PRDM2: variants seen among roughly 807,000 people sequenced by gnomAD.
The protein encoded by PRDM2 is PR/SET domain 2.
A neutral mutation model predicts 130.0 loss-of-function variants in PRDM2; 30 were observed. The ratio of observed to expected loss-of-function variants is 0.23; its 90% CI spans 0.17 to 0.31. PRDM2 has a LOEUF of 0.31. Ranked by LOEUF, PRDM2 falls within the 10% of genes least tolerant of loss-of-function variation. The pLI is 1.00. For missense variants in PRDM2, 2,011 were observed against 2,108.4 expected (o/e 0.95, Z 0.90); for synonymous variants, 871 against 782.4 (o/e 1.11, Z -1.89).
At position 13,779,244 on chromosome 1, in the gene PRDM2, T is replaced by C. The variant is rs1557646959; in HGVS notation, c.1449T>C (p.His483=). 1 of 1,614,020 alleles carries C rather than the reference T, an allele frequency of 6.2e-7. No individual in the cohort carries two copies. The highest frequency in any genetic ancestry group is 1.7e-5 in the Admixed American group (1 of 60,002). Residue 483 remains histidine (H), a synonymous_variant, in exon 8 of 10, where the codon CAT becomes CAC. Transcript: ENST00000311066. The surrounding 1 kb of genome is among the most constrained non-coding windows in gnomAD (Gnocchi z 4.9). ...VEENGEVKEL[H]PCKYCKKVFG... ...AGAATGGGGAAGTTAAAGAACTTCA[T>C]CCGTGCAAATATTGTAAAAAGGTTT...
chr1:13,702,026 A>T (rs975212745), intron 1 of PRDM2, among the ~76,000 whole-genome samples: 1 of 152,230 alleles, frequency 6.6e-6, no homozygotes, highest in Admixed American at 6.5e-5. Context: ...CACTGTAGAA[A>T]ATTGGAAAGT....
intron 5 of PRDM2, among the ~76,000 whole-genome samples, chr1:13,745,929 G>C (rs1308153407): frequency 6.6e-6 from 1 of 152,020 alleles, no homozygotes; most frequent in African/African-American, 2.4e-5. Flanking sequence ...ATCGTAGGTG[G>C]GTATGAGTGG....
chr1:13,751,519 T>C (rs1196038281), intron 6 of PRDM2, among the ~76,000 whole-genome samples: 1 of 151,708 alleles, frequency 6.6e-6, no homozygotes, highest in Non-Finnish European at 1.5e-5. Flanking sequence ...AGACCTGAAA[T>C]GGAGTCTTTT....
chr1:13,751,660 AG>A (rs1381722911), intron 6 of PRDM2, among the ~76,000 whole-genome samples: 2 of 152,150 alleles, frequency 1.3e-5, no homozygotes, highest in African/African-American at 4.8e-5. Context: ...GTGTTAACTT[AG>A]TATTGCTGAA....
intron 4 of PRDM2, among the ~76,000 whole-genome samples, chr1:13,739,472 A>C (rs1374235632): frequency 6.6e-6 from 1 of 152,140 alleles, no homozygotes; most frequent in East Asian, 1.9e-4. Context: ...TATTGGAAAA[A>C]ATTTTCAAGT....
At chr1:13,787,670 T>G in intron 8 of PRDM2, 1 of 979,706 alleles carries the variant, frequency 1.0e-6, no homozygotes, top group Non-Finnish European at 1.2e-6. Flanking sequence ...TAAATTGTTT[T>G]GGACGCTTCA....
intron 9 of PRDM2, among the ~76,000 whole-genome samples, chr1:13,822,400 C>CTTTT (rs55797543): frequency 1.4e-5 from 2 of 142,566 alleles, no homozygotes; most frequent in Admixed American, 7.0e-5. Flanking sequence ...CTTTTTCTTT[C>CTTTT]TTTTTTTTTT....
intron 1 of PRDM2, chr1:13,705,309 T>G (rs1642173307): frequency 6.9e-6 from 1 of 144,400 alleles, no homozygotes; most frequent in African/African-American, 2.4e-5. Context: ...AGAACATTAG[T>G]AACATTTTTT....
intron 2 of PRDM2, among the ~76,000 whole-genome samples, chr1:13,717,653 A>C (rs2100422863): frequency 6.6e-6 from 1 of 151,162 alleles, no homozygotes; most frequent in East Asian, 2.0e-4. Flanking sequence ...TCTGCTTGCC[A>C]GTCAAAAAGT....
chr1:13,815,264 G>A (rs1265211899), intron 8 of PRDM2, among the ~76,000 whole-genome samples: 5 of 44,484 alleles, frequency 1.1e-4, no homozygotes, highest in Admixed American at 2.8e-4. Context: ...CCACCACCAC[G>A]CCTGGACAAT....
chr1:13,796,707 G>A (rs1391391536), intron 8 of PRDM2, among the ~76,000 whole-genome samples: 19 of 152,172 alleles, frequency 1.2e-4, no homozygotes, highest in Admixed American at 1.0e-3. Context: ...AGCTATGATT[G>A]CACCACTGTG....
chr1:13,808,599 T>A (rs919614684), intron 8 of PRDM2, among the ~76,000 whole-genome samples: 1 of 152,056 alleles, frequency 6.6e-6, no homozygotes, highest in African/African-American at 2.4e-5. Flanking sequence ...AGTAAGTCCA[T>A]TTTCCCTCCC....
intron 1 of PRDM2, among the ~76,000 whole-genome samples, chr1:13,711,283 G>A (rs1642363050): frequency 6.6e-6 from 1 of 152,194 alleles, no homozygotes; most frequent in African/African-American, 2.4e-5. Flanking sequence ...GAATATGAAG[G>A]TTATGTAGGA....
In PRDM2 at chr1:13,771,929, C is replaced by G. The variant is rs1243120617; in HGVS notation, c.512-1149C>G. 1 of 152,124 alleles carries G rather than the reference C, an allele frequency of 6.6e-6. No individual in the cohort carries two copies. The highest frequency in any genetic ancestry group is 1.5e-5 in the Non-Finnish European group (1 of 68,020). The allele number at this position is 152,124 out of a possible 1,614,324, so 9.4% of individuals were successfully genotyped here. A position where few individuals can be genotyped will look rare whatever the true frequency, so the allele number is the denominator to read the frequency against. On this transcript the variant is annotated intron_variant, in intron 6 of 9. Coordinates refer to ENST00000311066, the MANE Select transcript of PRDM2 (RefSeq NM_001393986.1). This position sits in a 1 kb window ranked among gnomAD's most constrained non-coding sequence, Gnocchi z 4.1. ...TGTTTTCAATGATGCTATTTTATGT[C>G]TCTGACCTCATTTTTGTCTGTTTAC...
At chr1:13,802,696 T>C (rs1241806304) in intron 8 of PRDM2, among the ~76,000 whole-genome samples, 1 of 152,246 alleles carries the variant, frequency 6.6e-6, no homozygotes, top group Non-Finnish European at 1.5e-5. Context: ...TAAAAAGGGC[T>C]CTTCTGCTGG....
chr1:13,732,560 C>T (rs375066673), intron 3 of PRDM2, among the ~76,000 whole-genome samples: 28 of 151,898 alleles, frequency 1.8e-4, no homozygotes, highest in East Asian at 7.7e-4. Flanking sequence ...AATCGTAAAA[C>T]AATATAGGTT....
intron 1 of PRDM2, among the ~76,000 whole-genome samples, chr1:13,713,799 C>T (rs1209649147): frequency 2.6e-5 from 4 of 152,228 alleles, no homozygotes; most frequent in Middle Eastern, 6.8e-3. Context: ...AGTCAGTAGG[C>T]GTTTCTGGTC....
intron 6 of PRDM2, among the ~76,000 whole-genome samples, chr1:13,754,283 G>A (rs532935159): frequency 3.9e-5 from 6 of 152,260 alleles, no homozygotes; most frequent in Non-Finnish European, 5.9e-5. Context: ...TGGTTGGTGG[G>A]GGAGATGAGA....
intron 6 of PRDM2, among the ~76,000 whole-genome samples, chr1:13,764,209 C>T (rs899615601): frequency 3.3e-5 from 5 of 152,172 alleles, no homozygotes; most frequent in East Asian, 1.9e-4. Context: ...ACCTCCTCTA[C>T]AACACCTCCC....
Sources: gnomAD v4.1 joint callset for allele counts (sites outside exome capture counted in the v4.1 genomes callset) on GRCh38, gnomAD v4.1.1 for gene constraint, Gnocchi (gnomAD v3.1) non-coding constraint, MANE v1.5 for transcripts, NCBI Gene and HGNC (gene_info 2026-07-23, HGNC 2026-07-21) for gene names.